The following SEPTIN9 variants were observed in gnomAD, a reference collection of about 807,000 sequenced individuals.
The protein encoded by SEPTIN9 is septin 9.
Under a neutral mutation model 56.6 loss-of-function variants are expected in SEPTIN9, and 13 were observed. The ratio of observed to expected loss-of-function variants is 0.23; its 90% CI spans 0.15 to 0.37. The LOEUF is 0.37. SEPTIN9 is among the 10% of genes least tolerant of loss of function. The probability of loss-of-function intolerance (pLI) is 1.00; values close to 1 mark genes in which losing one functional copy is unlikely to be tolerated. For synonymous variants in SEPTIN9, 332 were observed against 334.1 expected (o/e 0.99, Z 0.07); for missense variants, 650 against 823.1 (o/e 0.79, Z 2.57).
At chr17:77,303,763 G>A (rs918649142) in intron 1 of SEPTIN9, among the ~76,000 whole-genome samples, 4 of 151,900 alleles carry the variant, frequency 2.6e-5, no homozygotes, top group African/African-American at 9.7e-5. Flanking sequence ...TAGTACTTGC[G>A]CCATGTGACC....
intron 2 of SEPTIN9, among the ~76,000 whole-genome samples, chr17:77,346,862 AG>A (rs1350019829): frequency 6.6e-6 from 1 of 152,104 alleles, no homozygotes; most frequent in Non-Finnish European, 1.5e-5. Flanking sequence ...TTGGCTCATG[AG>A]GGCAGAGTCA....
chr17:77,485,654 C>T (rs1243039493), intron 4 of SEPTIN9, among the ~76,000 whole-genome samples: 1 of 151,986 alleles, frequency 6.6e-6, no homozygotes, highest in African/African-American at 2.4e-5. Flanking sequence ...GACATAACTC[C>T]TGACCTGAGG....
At chr17:77,432,953 G>T (rs765778860) in intron 3 of SEPTIN9, among the ~76,000 whole-genome samples, 1 of 152,180 alleles carries the variant, frequency 6.6e-6, no homozygotes, top group Non-Finnish European at 1.5e-5. Context: ...CAGGGCTGGG[G>T]GTGGGTAGTG....
intron 3 of SEPTIN9, chr17:77,444,715 C>T (rs2037670747): frequency 1.0e-5 from 2 of 198,846 alleles, no homozygotes; most frequent in African/African-American, 2.4e-5. Context: ...TCAGGCACTG[C>T]CCTCGAGGTC....
chr17:77,396,574 A>AG (rs61687843), intron 2 of SEPTIN9, among the ~76,000 whole-genome samples: 12,688 of 152,002 alleles, frequency 0.083, 1,419 homozygotes, highest in African/African-American at 0.25. Flanking sequence ...GCTTCCCAGG[A>AG]GGCCTGCACA....
chr17:77,350,169 C>T (rs542981051), intron 2 of SEPTIN9, among the ~76,000 whole-genome samples: 62 of 152,324 alleles, frequency 4.1e-4, no homozygotes, highest in African/African-American at 1.3e-3. Flanking sequence ...CCTCAAGTTG[C>T]CCAGCATCAG....
intron 3 of SEPTIN9, among the ~76,000 whole-genome samples, chr17:77,420,803 G>A (rs1163385024): frequency 6.6e-6 from 1 of 152,112 alleles, no homozygotes; most frequent in African/African-American, 2.4e-5. Flanking sequence ...TGAAACCCTT[G>A]TCTCAGGTGG....
At chr17:77,439,424 G>A (rs735397) in intron 3 of SEPTIN9, among the ~76,000 whole-genome samples, 6,872 of 152,236 alleles carry the variant, frequency 0.045, 294 homozygotes, top group Admixed American at 0.12. Flanking sequence ...TGAGAGAAGA[G>A]ATGGAAGTAC....
At chr17:77,378,518 G>A (rs2035016290) in intron 2 of SEPTIN9, among the ~76,000 whole-genome samples, 1 of 152,058 alleles carries the variant, frequency 6.6e-6, no homozygotes, top group South Asian at 2.1e-4. Flanking sequence ...GCGGGAAAAG[G>A]GGGCATTTGC....
rs1204608029 is a variant in SEPTIN9, at chr17:77,451,579, C to G, written c.722-30565C>G. On this transcript the variant is annotated intron_variant, in intron 3 of 11. Coordinates refer to ENST00000427177, the MANE Select transcript of SEPTIN9 (RefSeq NM_001113491.2). The surrounding 1 kb of genome is among the most constrained non-coding windows in gnomAD (Gnocchi z 4.2). Reference sequence around the variant, plus strand: ...CAGCCTTGCACCACTGGCTCGGGGGCTCTCAGGTGGCGCGGCCGCGAGGCG... The same window carrying G: ...CAGCCTTGCACCACTGGCTCGGGGGGTCTCAGGTGGCGCGGCCGCGAGGCG... 7.9e-5 allele frequency: 78 copies of G among 982,214 alleles called. No individual in the cohort carries two copies. The highest frequency in any genetic ancestry group is 9.3e-5 in the Non-Finnish European group (77 of 827,102). 60.8% of individuals were successfully genotyped at this position (982,214 alleles called of 1,614,324 possible). A position where few individuals can be genotyped will look rare whatever the true frequency, so the allele number is the denominator to read the frequency against.
At position 77,433,748 on chromosome 17, in the gene SEPTIN9, C is replaced by A. The variant is rs1208999639; in HGVS notation, c.721+31045C>A. 6.6e-6 allele frequency among the ~76,000 whole-genome samples: 1 copy of A among 152,140 alleles called. No individual in the cohort carries two copies. Among genetic ancestry groups the A allele is most frequent in the African/African-American group, 2.4e-5 (1 of 41,424 alleles). On this transcript the variant is annotated intron_variant, in intron 3 of 11. Transcript: ENST00000427177. This position sits in a 1 kb window ranked among gnomAD's most constrained non-coding sequence, Gnocchi z 6.4. The stretch of plus-strand genomic sequence containing the variant: ...CTCCTGCACCTCCCGAACCCCCGTT[C>A]CCTGTGAGTTAGATGGGGAGTGCAC...
intron 3 of SEPTIN9, among the ~76,000 whole-genome samples, chr17:77,418,766 G>A (rs939889343): frequency 1.3e-5 from 2 of 152,218 alleles, no homozygotes; most frequent in Admixed American, 1.3e-4. Context: ...CTCCCCAGCT[G>A]GTGACGGGGG....
chr17:77,412,432 T>A (rs1352290077), intron 3 of SEPTIN9, among the ~76,000 whole-genome samples: 1 of 152,112 alleles, frequency 6.6e-6, no homozygotes, highest in African/African-American at 2.4e-5. Context: ...CTTGTTGAAA[T>A]TTTTTAAAAA....
At chr17:77,379,288 G>A (rs1038013282) in intron 2 of SEPTIN9, among the ~76,000 whole-genome samples, 1 of 151,998 alleles carries the variant, frequency 6.6e-6, no homozygotes, top group Non-Finnish European at 1.5e-5. Context: ...CAAGCCCACC[G>A]AGAGCCTGAG....
intron 2 of SEPTIN9, chr17:77,376,516 G>A (rs1043726154): frequency 2.7e-5 from 14 of 512,814 alleles, no homozygotes; most frequent in African/African-American, 4.2e-5. Context: ...GCTGAGGGGC[G>A]GAGACTCCAG....
At chr17:77,390,740 C>G (rs958279632) in intron 2 of SEPTIN9, among the ~76,000 whole-genome samples, 5 of 152,130 alleles carry the variant, frequency 3.3e-5, no homozygotes, top group African/African-American at 1.2e-4. Flanking sequence ...CGTGAGCCGC[C>G]GCGCCCGGCC....
In SEPTIN9 at chr17:77,482,235, G is replaced by A. The variant is rs763467612; in HGVS notation, c.813G>A (p.Lys271=). ...AGGCGCCTGCATCACGGAACGAGAA[G>A]GCCCCGGTGGACTTCGGCTACGTGG... The part of the protein sequence containing the change: ...LKQAPASRNE[K]APVDFGYVGI... Residue 271 remains lysine, a synonymous_variant, in exon 4 of 12, where the codon AAG becomes AAA. Transcript: ENST00000427177. 1.9e-6 allele frequency: 3 copies of A among 1,612,918 alleles called. No individual in the cohort carries two copies. The highest frequency in any genetic ancestry group is 1.3e-5 in the African/African-American group (1 of 74,930).
At chr17:77,301,244 A>G (rs963828026) in intron 1 of SEPTIN9, among the ~76,000 whole-genome samples, 17 of 151,984 alleles carry the variant, frequency 1.1e-4, no homozygotes, top group Admixed American at 3.3e-4. Flanking sequence ...TTTAATAGAG[A>G]TGGGGTCTTG....
rs190472319 is a variant in SEPTIN9 at position 77,415,303 on chromosome 17, G to A, written c.721+12600G>A. Among the ~76,000 whole-genome samples the A allele has an allele frequency of 1.3e-4, 20 of 152,230 alleles. No homozygotes were observed. In the East Asian group the frequency reaches 3.9e-3, roughly 29 times the overall value. Reference sequence around the variant, plus strand: ...CTGGGCGGATCTCCATGCCGGTAATGTTTGTTTATTCAAGAAGTCTCGGCC... The same window carrying A: ...CTGGGCGGATCTCCATGCCGGTAATATTTGTTTATTCAAGAAGTCTCGGCC... On this transcript the variant is annotated intron_variant, in intron 3 of 11. Transcript: ENST00000427177.
Sources: gnomAD v4.1 joint callset for allele counts (sites outside exome capture counted in the v4.1 genomes callset) on GRCh38, gnomAD v4.1.1 for gene constraint, Gnocchi (gnomAD v3.1) non-coding constraint, MANE v1.5 for transcripts, NCBI Gene and HGNC (gene_info 2026-07-23, HGNC 2026-07-21) for gene names.